HERC2: variants seen among roughly 807,000 people sequenced by gnomAD.
HERC2 encodes HECT and RLD domain containing E3 ubiquitin protein ligase 2.
A neutral mutation model predicts 537.7 loss-of-function variants in HERC2; 102 were observed. The ratio of observed to expected loss-of-function variants is 0.19; its 90% CI spans 0.16 to 0.22. HERC2 has a LOEUF of 0.22. Ranked by LOEUF, HERC2 falls within the 10% of genes least tolerant of loss-of-function variation. HERC2 has a pLI of 1.00. For missense variants in HERC2, 4,236 were observed against 6,198.2 expected, an observed-to-expected ratio of 0.68 and a Z score of 10.63; for synonymous variants, 2,224 against 2,466.2, an observed-to-expected ratio of 0.90 and a Z score of 2.91.
chr15:28,282,346 A>G (rs2076040667), intron 4 of HERC2, among the ~76,000 whole-genome samples: 1 of 152,224 alleles, frequency 6.6e-6, no homozygotes, highest in African/African-American at 2.4e-5. Flanking sequence ...CAGTTATAGA[A>G]ATACCACGAT....
chr15:28,303,849 T>C (rs570235592), intron 2 of HERC2, among the ~76,000 whole-genome samples: 2 of 152,308 alleles, frequency 1.3e-5, no homozygotes, highest in Admixed American at 1.3e-4. Flanking sequence ...TTTTTCATAT[T>C]GTTCACTGTT....
chr15:28,133,969 C>T (rs1890359536), intron 79 of HERC2, among the ~76,000 whole-genome samples: 1 of 152,196 alleles, frequency 6.6e-6, no homozygotes, highest in South Asian at 2.1e-4. Flanking sequence ...CTATTCTAGG[C>T]CATCTGCATC....
intron 65 of HERC2, among the ~76,000 whole-genome samples, chr15:28,171,767 A>G (rs61511707): frequency 0.07 from 10,587 of 152,236 alleles, 887 homozygotes; most frequent in East Asian, 0.42. Flanking sequence ...ATAATCTAAC[A>G]AAAGACAAGC....
In HERC2 at chr15:28,211,110, A is replaced by C; in HGVS notation, c.6961T>G (p.Leu2321Val). 6.2e-7 allele frequency: 1 copy of C among 1,609,292 alleles called. No individual in the cohort carries two copies. The highest frequency in any genetic ancestry group is 8.5e-7 in the Non-Finnish European group (1 of 1,177,528). The change falls in exon 44 of 93, where the codon TTG becomes GTG. Residue 2321 changes from leucine (L) to valine (V), a missense_variant. Physicochemically the swap from Leu to Val is conservative, Grantham distance 32. Transcript: ENST00000261609. ...CCTGCTTTCAGGATGTATAGCTTCAACTGCTGGCACCGCAGCAGGTCCAGG... is the reference window on the plus strand; with the variant it reads ...CCTGCTTTCAGGATGTATAGCTTCACCTGCTGGCACCGCAGCAGGTCCAGG... The part of the protein sequence containing the change: ...VDLDLLRCQQ[L>V]KLYILKAGRA...
chr15:28,132,645 C>T lies in HERC2; in HGVS notation c.12408+8G>A. ...AGCCTCCGGCCTCTGCACACGGCGC[C>T]TCCTCACCAGCTTCGGCTTCAGCTG... On this transcript the variant is annotated splice_region_variant and intron_variant, in intron 80 of 92. Coordinates refer to ENST00000261609, the MANE Select transcript of HERC2 (RefSeq NM_004667.6). 1 of 1,497,746 alleles carries T rather than the reference C, an allele frequency of 6.7e-7. No individual in the cohort carries two copies. The highest frequency in any genetic ancestry group is 1.3e-5 in the South Asian group (1 of 75,408). 92.8% of individuals were successfully genotyped at this position (1,497,746 alleles called of 1,614,324 possible).
rs1889012214 is a variant in HERC2, at chr15:28,122,363, G to A, written c.13189-934C>T. On this transcript the variant is annotated intron_variant, in intron 85 of 92. Transcript: ENST00000261609. The surrounding 1 kb of genome is among the most constrained non-coding windows in gnomAD (Gnocchi z 4.1). ...AAGGAGGCAATCGTGCCTTCTTTCG[G>A]TTAGGGGTGGGCTGTGGGAGCACAA... Among the ~76,000 whole-genome samples, 1 of 152,226 alleles carries A rather than the reference G, an allele frequency of 6.6e-6. No individual in the cohort carries two copies. Among genetic ancestry groups the A allele is most frequent in the Non-Finnish European group, 1.5e-5 (1 of 68,042 alleles).
At chr15:28,289,275 C>T (rs1244108641) in intron 4 of HERC2, among the ~76,000 whole-genome samples, 2 of 152,130 alleles carry the variant, frequency 1.3e-5, no homozygotes, top group African/African-American at 4.8e-5. Context: ...ACACACCACG[C>T]AAACACCAAA....
At chr15:28,136,514 C>G (rs1890657755) in intron 78 of HERC2, among the ~76,000 whole-genome samples, 1 of 152,186 alleles carries the variant, frequency 6.6e-6, no homozygotes, top group Non-Finnish European at 1.5e-5. Context: ...AAAGGGTTGC[C>G]CCTCAGTGAC....
At chr15:28,125,436 G>A (rs750124043) in intron 83 of HERC2, among the ~76,000 whole-genome samples, 1 of 152,184 alleles carries the variant, frequency 6.6e-6, no homozygotes, top group Non-Finnish European at 1.5e-5. Context: ...CACAGCCCCT[G>A]TTGGCCACCA....
intron 86 of HERC2, chr15:28,118,072 A>G (rs1888470453): frequency 5.9e-6 from 1 of 169,024 alleles, no homozygotes. Context: ...GACTAAAAAT[A>G]CAAGAAGAAT....
Position 28,135,712 on chromosome 15 carries a change from T to C in HERC2, c.12016-20A>G, listed in dbSNP as rs374813577. 27 of 1,576,084 alleles carry C rather than the reference T, an allele frequency of 1.7e-5. No homozygotes were observed. Among genetic ancestry groups the C allele is most frequent in the Middle Eastern group, 2.0e-4 (1 of 5,050 alleles). ...ATACAGCTAAGAAAAGAAAAAGCAA[T>C]AGTAACATCAGTTTTTAATCTCAAT... is the stretch of plus-strand genomic sequence containing the variant. On this transcript the variant is annotated intron_variant, in intron 78 of 92. Transcript: ENST00000261609.
intron 10 of HERC2, among the ~76,000 whole-genome samples, chr15:28,270,041 A>G (rs1310633397): frequency 6.6e-6 from 1 of 152,194 alleles, no homozygotes; most frequent in Non-Finnish European, 1.5e-5. Flanking sequence ...GGCTCACTGC[A>G]ACCTCCGCCT....
rs2140652471 is a variant in HERC2, at chr15:28,234,096, T to C, written c.4192A>G (p.Asn1398Asp). ...SQAFLQAIAD[N>D]NIQDHNVKDF... is the part of the protein sequence containing the mutation. The stretch of plus-strand genomic sequence containing the variant: ...TTCACGTTGTGATCCTGAATGTTGT[T>C]GTCTGCAATGGCTTGCAGAAATGCC... The change falls in exon 27 of 93, where the codon AAC becomes GAC. Residue 1398 changes from asparagine (N) to aspartate (D), a missense_variant. By Grantham distance (23) the Asn-to-Asp change is conservative. Around this residue, in one of 27 missense-constraint regions of HERC2, gnomAD observed 94 missense variants for 174.9 expected, o/e 0.54. Transcript: ENST00000261609. 1 of 760,618 alleles carries C rather than the reference T, an allele frequency of 1.3e-6. No individual in the cohort carries two copies. Among genetic ancestry groups the C allele is most frequent in the Non-Finnish European group, 2.4e-6 (1 of 419,462 alleles). The allele number at this position is 760,618 out of a possible 1,614,324, so 47.1% of individuals were successfully genotyped here.
rs746275912 is a variant in HERC2, at chr15:28,152,680, G to A, written c.10897C>T (p.Pro3633Ser). The A allele has an allele frequency of 1.3e-6, 2 of 1,548,684 alleles. No homozygotes were observed. The highest frequency in any genetic ancestry group is 2.4e-5 in the South Asian group (2 of 83,548). Residue 3633 changes from proline to serine, a missense_variant, in exon 70 of 93, where the codon CCA (proline) becomes TCA (serine). By Grantham distance (74) the Pro-to-Ser change is moderately conservative (BLOSUM62 -1). Around this residue, in one of 27 missense-constraint regions of HERC2, gnomAD observed 356 missense variants for 450.9 expected, o/e 0.79. Coordinates refer to ENST00000261609, the MANE Select transcript of HERC2 (RefSeq NM_004667.6). ...CCGCTGGGGCCAGCCCCTGTACCTG[G>A]TATCTTCACTGTGCCACTGGTGGAG... ...DTSTSGTVKI[P>S]GAEGLRVEFD... is the part of the protein sequence containing the mutation.
chr15:28,248,844 A>G (rs888785128), intron 20 of HERC2, 108 bp from the exon 21 acceptor site: 5 of 857,792 alleles, frequency 5.8e-6, no homozygotes, highest in Non-Finnish European at 8.9e-6. Flanking sequence ...CAGATCATAC[A>G]TGATGACCTG....
At chr15:28,286,596 A>G (rs933411445) in intron 4 of HERC2, among the ~76,000 whole-genome samples, 2 of 152,216 alleles carry the variant, frequency 1.3e-5, no homozygotes, top group South Asian at 2.1e-4. Flanking sequence ...AAATAGCAAC[A>G]AACGGGAACT....
intron 84 of HERC2, 147 bp downstream of exon 84, chr15:28,124,859 G>T: frequency 1.2e-6 from 1 of 828,522 alleles, no homozygotes; most frequent in Non-Finnish European, 1.8e-6. Flanking sequence ...CAAATATCAA[G>T]GTTCTTAAAT....
intron 4 of HERC2, among the ~76,000 whole-genome samples, chr15:28,282,364 G>A (rs78564243): frequency 0.021 from 3,186 of 152,230 alleles, 102 homozygotes; most frequent in African/African-American, 0.073. Context: ...GATGAAAGAT[G>A]TTGGAATAAT....
intron 9 of HERC2, among the ~76,000 whole-genome samples, chr15:28,271,320 T>C (rs577925606): frequency 6.6e-6 from 1 of 152,316 alleles, no homozygotes; most frequent in South Asian, 2.1e-4. Flanking sequence ...AAATCATAGT[T>C]CTAATTCTTC....
Sources: allele counts gnomAD v4.1 joint callset (sites outside exome capture counted in the v4.1 genomes callset), GRCh38; gene constraint gnomAD v4.1.1; regional missense constraint gnomAD v4.1.1; non-coding constraint Gnocchi (gnomAD v3.1); transcripts MANE v1.5; gene names NCBI Gene and HGNC (gene_info 2026-07-23, HGNC 2026-07-21).